The following SQOR variants were observed in gnomAD, a reference collection of about 807,000 sequenced individuals.
SQOR encodes sulfide quinone oxidoreductase, also known as sulfide:quinone oxidoreductase, mitochondrial.
A neutral mutation model predicts 48.6 loss-of-function variants in SQOR; 39 were observed. The ratio of observed to expected loss-of-function variants is 0.80; its 90% CI spans 0.62 to 1.05. SQOR has a LOEUF of 1.05. Ranked by LOEUF, SQOR falls within the 50% of genes least tolerant of loss-of-function variation. The pLI is 0.00. For synonymous variants in SQOR, 220 were observed against 206.2 expected (o/e 1.07, Z -0.57); for missense variants, 561 against 559.9 (o/e 1.00, Z -0.02).
chr15:45,686,861 A>G (rs941873071), intron 7 of SQOR, among the ~76,000 whole-genome samples: 1 of 152,164 alleles, frequency 6.6e-6, no homozygotes, highest in Non-Finnish European at 1.5e-5. Context: ...TGCAGGCTGG[A>G]GGGCAGTGGT....
intron 7 of SQOR, among the ~76,000 whole-genome samples, chr15:45,684,679 T>C (rs1458016296): frequency 6.6e-6 from 1 of 152,170 alleles, no homozygotes; most frequent in Non-Finnish European, 1.5e-5. Context: ...GGGGTGATAC[T>C]TTGAAATGAC....
intron 5 of SQOR, 26 bp downstream of exon 5, chr15:45,673,827 A>G: frequency 6.2e-7 from 1 of 1,610,920 alleles, no homozygotes. Flanking sequence ...GGGGACAGAG[A>G]TGAGCAGGGC....
In SQOR at chr15:45,683,466, G is replaced by A. The variant is rs762794924; in HGVS notation, c.1048+805G>A. Among the ~76,000 whole-genome samples the A allele has an allele frequency of 5.3e-5, 8 of 152,176 alleles. No homozygotes were observed. In the South Asian group the frequency reaches 8.3e-4, roughly 16 times the overall value. On this transcript the variant is annotated intron_variant, in intron 7 of 9. Transcript: ENST00000260324. Reference sequence around the variant, plus strand: ...CCTGGAAAACTAAATTCTTCACCTCGATGTTCTGCACCAGCAGTGATGGGG... The same window carrying A: ...CCTGGAAAACTAAATTCTTCACCTCAATGTTCTGCACCAGCAGTGATGGGG...
At chr15:45,632,216 CCCT>C (rs1894909551), upstream of SQOR, among the ~76,000 whole-genome samples, 1 of 143,918 alleles carries the variant, frequency 6.9e-6, no homozygotes, top group Admixed American at 7.1e-5. Flanking sequence ...CTCCCTCCCT[CCCT>C]CCTTCCTTCC....
intron 6 of SQOR, among the ~76,000 whole-genome samples, chr15:45,676,694 T>A (rs1489896247): frequency 6.6e-6 from 1 of 152,176 alleles, no homozygotes; most frequent in South Asian, 2.1e-4. Context: ...ATTGGTGGCA[T>A]GTGAGAAACA....
At position 45,673,652 on chromosome 15, in the gene SQOR, A is replaced by T; in HGVS notation, c.505A>T (p.Asn169Tyr). ...TTTCGCTCATCCCAAAATAGGGTCG[A>T]ATTATTCAGTTAAGACTGTAGAGAA... ...EGFAHPKIGS[N>Y]YSVKTVEKTW... is the part of the protein sequence containing the mutation. Residue 169 changes from asparagine to tyrosine, a missense_variant, in exon 5 of 10, where the codon AAT becomes TAT. Transcript: ENST00000260324. 6.2e-7 allele frequency: 1 copy of T among 1,614,220 alleles called. No homozygotes were observed. Among genetic ancestry groups the T allele is most frequent in the Non-Finnish European group, 8.5e-7 (1 of 1,180,022 alleles).
At chr15:45,669,884 GCTT>G in intron 3 of SQOR, 41 bp from the exon 4 acceptor site, 1 of 1,569,576 alleles carries the variant, frequency 6.4e-7, no homozygotes, top group South Asian at 1.1e-5. Context: ...TTGAGTTGAT[GCTT>G]CTTGAGTCCT....
chr15:45,688,944 A>G, intron 8 of SQOR, 95 bp from the exon 9 acceptor site: 2 of 1,004,964 alleles, frequency 2.0e-6, no homozygotes. Context: ...AAGAAAAAAT[A>G]TATAAGCACT....
chr15:45,635,219 G>A (rs1048484681), intron 1 of SQOR, 111 bp downstream of exon 1: 2 of 152,340 alleles, frequency 1.3e-5, no homozygotes, highest in Non-Finnish European at 2.9e-5. Flanking sequence ...TTCCGCAGCT[G>A]GGACTCCGCA....
chr15:45,691,214 G>T lies in SQOR; in HGVS notation c.*184G>T. 5.5e-6 allele frequency: 3 copies of T among 544,158 alleles called. No individual in the cohort carries two copies. The highest frequency in any genetic ancestry group is 5.9e-5 in the South Asian group (2 of 33,880). 33.7% of individuals were successfully genotyped at this position (544,158 alleles called of 1,614,324 possible). The stretch of plus-strand genomic sequence containing the variant: ...GCAACCATGTGGGCTACTCATGATG[G>T]GCTTGATTCTTTGGGAATAATAAAA... On this transcript the variant is annotated 3_prime_UTR_variant, in exon 10 of 10. Transcript: ENST00000260324.
At chr15:45,649,516 C>A (rs1889421019) in intron 1 of SQOR, among the ~76,000 whole-genome samples, 2 of 152,060 alleles carry the variant, frequency 1.3e-5, no homozygotes, top group South Asian at 4.1e-4. Context: ...TGCTCTGTTG[C>A]CCAGGCTGGA....
At chr15:45,638,376 G>T (rs1050564415) in intron 1 of SQOR, among the ~76,000 whole-genome samples, 4 of 152,144 alleles carry the variant, frequency 2.6e-5, no homozygotes. Flanking sequence ...AGAACTGCTT[G>T]AGCTCAGAAG....
intron 7 of SQOR, 106 bp downstream of exon 7, chr15:45,682,767 C>A: frequency 7.5e-7 from 1 of 1,329,084 alleles, no homozygotes; most frequent in Non-Finnish European, 1.0e-6. Flanking sequence ...GTGGTTCCTG[C>A]CTGTAATCCC....
Position 45,687,965 on chromosome 15 carries a change from T to C in SQOR, c.1049-372T>C, listed in dbSNP as rs145931694. Among the ~76,000 whole-genome samples, 686 of 152,344 alleles carry C rather than the reference T, an allele frequency of 4.5e-3. 5 individuals are homozygous for C. The highest frequency in any genetic ancestry group is 0.016 in the East Asian group (84 of 5,178). On this transcript the variant is annotated intron_variant, in intron 7 of 9. Coordinates refer to ENST00000260324, the MANE Select transcript of SQOR (RefSeq NM_021199.4). ...AATGCCTGGGGCTACCAATCCAGAC[T>C]GCCTGTGAACAGGGACACAGGGATA...
At chr15:45,668,166 G>A (rs1426937310) in intron 3 of SQOR, among the ~76,000 whole-genome samples, 2 of 151,744 alleles carry the variant, frequency 1.3e-5, no homozygotes, top group South Asian at 2.1e-4. Context: ...GGCTGGTCTC[G>A]AACTCCTGAC....
intron 7 of SQOR, among the ~76,000 whole-genome samples, chr15:45,687,393 T>C (rs1165709554): frequency 1.3e-5 from 2 of 152,254 alleles, no homozygotes; most frequent in African/African-American, 4.8e-5. Flanking sequence ...ATTACAGGCA[T>C]GAGCCACCAT....
At chr15:45,637,680 G>C (rs1327024663) in intron 1 of SQOR, among the ~76,000 whole-genome samples, 1 of 152,176 alleles carries the variant, frequency 6.6e-6, no homozygotes, top group Admixed American at 6.5e-5. Flanking sequence ...TGTGGCTGGT[G>C]TTCTGCCAGT....
chr15:45,657,533 C>G (rs1889633237), intron 1 of SQOR, among the ~76,000 whole-genome samples: 2 of 152,138 alleles, frequency 1.3e-5, no homozygotes, highest in African/African-American at 4.8e-5. Flanking sequence ...AATCCCCTTC[C>G]TACAGCTCTA....
At chr15:45,690,914 G>T (rs1890312031) in intron 9 of SQOR, 59 bp from the exon 10 acceptor site, 1 of 1,475,388 alleles carries the variant, frequency 6.8e-7, no homozygotes, top group South Asian at 1.1e-5. Flanking sequence ...GCATCCTCCT[G>T]ACTGAAGTCG....
Sources: allele counts gnomAD v4.1 joint callset (sites outside exome capture counted in the v4.1 genomes callset), GRCh38; gene constraint gnomAD v4.1.1; transcripts MANE v1.5; gene names NCBI Gene and HGNC (gene_info 2026-07-23, HGNC 2026-07-21).